The following ARMH3 variants were observed in gnomAD, a reference collection of about 807,000 sequenced individuals.
ARMH3 encodes armadillo-like helical domain-containing protein 3.
In ARMH3, 60 loss-of-function variants were observed where a neutral mutation model predicts 99.1. The observed-to-expected ratio is 0.61, with a 90% CI of 0.49 to 0.75. ARMH3 has a LOEUF of 0.75. Among genes scored for constraint, ARMH3 ranks in the 30% least tolerant of loss-of-function variants. ARMH3 has a pLI of 0.00. For missense variants in ARMH3, 679 were observed against 843.1 expected, an observed-to-expected ratio of 0.81 and a Z score of 2.41; for synonymous variants, 285 against 292.8, an observed-to-expected ratio of 0.97 and a Z score of 0.27.
At chr10:101,861,062 GA>G (rs2066853884) in intron 24 of ARMH3, among the ~76,000 whole-genome samples, 1 of 152,130 alleles carries the variant, frequency 6.6e-6, no homozygotes. Context: ...AGAAATGAGG[GA>G]GATGATGAAG....
chr10:101,872,525 C>T (rs561246287), intron 24 of ARMH3, among the ~76,000 whole-genome samples: 4 of 151,982 alleles, frequency 2.6e-5, no homozygotes, highest in African/African-American at 9.7e-5. Flanking sequence ...GGTGAAAACC[C>T]GTCTCTACTA....
chr10:101,906,291 G>C (rs1300844160), intron 23 of ARMH3, among the ~76,000 whole-genome samples: 6 of 152,130 alleles, frequency 3.9e-5, no homozygotes, highest in Non-Finnish European at 8.8e-5. Context: ...GAAGTTACTG[G>C]GTCATAAGGT....
chr10:101,913,681 C>T (rs1359627362), intron 23 of ARMH3, among the ~76,000 whole-genome samples: 1 of 152,124 alleles, frequency 6.6e-6, no homozygotes, highest in Non-Finnish European at 1.5e-5. Context: ...CAGTCTTGAC[C>T]AGAGCCAAAG....
chr10:101,943,466 G>C (rs1043550679), intron 22 of ARMH3, among the ~76,000 whole-genome samples: 8 of 152,144 alleles, frequency 5.3e-5, no homozygotes, highest in African/African-American at 9.7e-5. Context: ...GGTTGCTCTT[G>C]ATCTACCCTC....
At chr10:101,869,839 C>G (rs1483084266) in intron 24 of ARMH3, among the ~76,000 whole-genome samples, 1 of 152,138 alleles carries the variant, frequency 6.6e-6, no homozygotes, top group Non-Finnish European at 1.5e-5. Flanking sequence ...TTGAGACCAG[C>G]CTGAGCAACA....
At chr10:101,857,377 G>A (rs1790178888) in intron 24 of ARMH3, among the ~76,000 whole-genome samples, 1 of 152,118 alleles carries the variant, frequency 6.6e-6, no homozygotes, top group Non-Finnish European at 1.5e-5. Context: ...GGAATCGCTT[G>A]AACCCAAGAG....
chr10:102,034,150 T>C (rs1348996233), intron 2 of ARMH3, among the ~76,000 whole-genome samples: 2 of 152,206 alleles, frequency 1.3e-5, no homozygotes, highest in Admixed American at 6.5e-5. Flanking sequence ...GCATGCTGTG[T>C]TGACTGCTTC....
At chr10:101,944,273 TAGAGAGAGAGAG>T (rs55633048) in intron 22 of ARMH3, among the ~76,000 whole-genome samples, 151 of 25,324 alleles carry the variant, frequency 6.0e-3, no homozygotes, top group East Asian at 0.024. Context: ...TATATATATA[TAGAGAGAGAGAG>T]AGAGAGAGAG....
intron 1 of ARMH3, among the ~76,000 whole-genome samples, chr10:102,050,403 G>C (rs527770690): frequency 3.3e-5 from 5 of 152,078 alleles, no homozygotes; most frequent in Admixed American, 2.6e-4. Flanking sequence ...AGCCGAGATC[G>C]CGCCACTGCA....
chr10:101,973,525 A>G (rs567422066), intron 20 of ARMH3, among the ~76,000 whole-genome samples: 22 of 152,306 alleles, frequency 1.4e-4, no homozygotes, highest in African/African-American at 4.6e-4. Context: ...AGAGCAGAGG[A>G]TACAAAATGG....
At chr10:101,884,390 C>T (rs566272975) in intron 24 of ARMH3, among the ~76,000 whole-genome samples, 2 of 152,254 alleles carry the variant, frequency 1.3e-5, no homozygotes, top group African/African-American at 4.8e-5. Flanking sequence ...TAAAAAGCCA[C>T]ACTGGAGAGA....
intron 19 of ARMH3, among the ~76,000 whole-genome samples, chr10:101,988,270 G>A (rs1182107328): frequency 6.6e-6 from 1 of 152,164 alleles, no homozygotes; most frequent in African/African-American, 2.4e-5. Flanking sequence ...CTGAGCCTCA[G>A]TTTCCTTTCT....
chr10:102,012,448 T>C (rs768274368), intron 10 of ARMH3, among the ~76,000 whole-genome samples: 5 of 152,370 alleles, frequency 3.3e-5, no homozygotes, highest in Non-Finnish European at 7.3e-5. Context: ...TCTCCTTTTA[T>C]ATATTTTTTA....
At chr10:101,968,998 G>A (rs1845655749) in intron 20 of ARMH3, among the ~76,000 whole-genome samples, 1 of 152,112 alleles carries the variant, frequency 6.6e-6, no homozygotes, top group African/African-American at 2.4e-5. Context: ...GTCTTAATTA[G>A]GCACATCAGC....
intron 19 of ARMH3, among the ~76,000 whole-genome samples, chr10:101,980,393 G>C (rs1448558901): frequency 6.6e-6 from 1 of 152,062 alleles, no homozygotes; most frequent in African/African-American, 2.4e-5. Context: ...CTGCCTCCTG[G>C]GTTCAAGTGA....
intron 5 of ARMH3, 70 bp from the exon 6 acceptor site, chr10:102,025,318 T>C: frequency 4.0e-6 from 5 of 1,248,594 alleles, no homozygotes; most frequent in Non-Finnish European, 5.9e-6. Flanking sequence ...CTCTGGGTTA[T>C]GTTATACAGG....
intron 22 of ARMH3, among the ~76,000 whole-genome samples, chr10:101,942,355 A>T (rs189486303): frequency 2.0e-5 from 3 of 152,362 alleles, no homozygotes; most frequent in African/African-American, 7.2e-5. Context: ...CAGTGAAAAC[A>T]GTGGTAGTAC....
chr10:101,963,211 T>C (rs1845380915), intron 20 of ARMH3, among the ~76,000 whole-genome samples: 3 of 151,092 alleles, frequency 2.0e-5, no homozygotes, highest in Non-Finnish European at 4.4e-5. Context: ...GGCACGATCA[T>C]GGCTCACTGC....
intron 23 of ARMH3, among the ~76,000 whole-genome samples, chr10:101,911,199 G>A (rs1470579184): frequency 1.3e-5 from 2 of 152,054 alleles, no homozygotes; most frequent in Admixed American, 6.6e-5. Context: ...CAGAAAATGA[G>A]TGTGTGAACA....
Sources: allele counts gnomAD v4.1 joint callset (sites outside exome capture counted in the v4.1 genomes callset), GRCh38; gene constraint gnomAD v4.1.1; transcripts MANE v1.5; gene names NCBI Gene and HGNC (gene_info 2026-07-23, HGNC 2026-07-21).